Variants in NFIB observed in about 807,000 individuals in gnomAD.
NFIB encodes the protein nuclear factor I B.
NFIB carries 11 observed loss-of-function variants against 61.5 expected under a neutral mutation model. That is an observed-to-expected ratio of 0.18 (90% CI 0.11 to 0.30). The LOEUF (loss-of-function observed/expected upper bound fraction) is 0.30, where lower values mean the gene tolerates loss of function less well. Ranked by LOEUF, NFIB falls within the 10% of genes least tolerant of loss-of-function variation. The pLI is 1.00. For synonymous variants in NFIB, 260 were observed against 216.5 expected (o/e 1.20, Z -1.76); for missense variants, 471 against 608.9 (o/e 0.77, Z 2.38).
chr9:14,248,968 C>T (rs187587008), intron 2 of NFIB, among the ~76,000 whole-genome samples: 1 of 152,292 alleles, frequency 6.6e-6, no homozygotes, highest in East Asian at 1.9e-4. Flanking sequence ...TCAAACTGTA[C>T]CTGCAGATAA....
the NFIB span, among the ~76,000 whole-genome samples, chr9:14,425,500 A>G: frequency 7.2e-5 from 11 of 152,164 alleles, no homozygotes; most frequent in Admixed American, 3.9e-4. Flanking sequence ...ATCTGGGGAA[A>G]AGGGGCACAG....
At chr9:14,134,359 A>C (rs2040755111) in intron 6 of NFIB, among the ~76,000 whole-genome samples, 2 of 152,280 alleles carry the variant, frequency 1.3e-5, no homozygotes, top group South Asian at 4.1e-4. Flanking sequence ...TTCCCGTAGC[A>C]AAATTTCACT....
At chr9:14,216,530 CTCTCTCTCTCTCCCTCTGTGTGTG>C (rs1165004266) in intron 2 of NFIB, among the ~76,000 whole-genome samples, 555 of 54,564 alleles carry the variant, frequency 0.01, 11 homozygotes, top group African/African-American at 0.023. Flanking sequence ...CTCTCTCTCT[CTCTCTCTCTCTCCCTCTGTGTGTG>C]TGTGTGTGTG....
intron 2 of NFIB, among the ~76,000 whole-genome samples, chr9:14,262,277 T>G (rs149774171): frequency 2.4e-3 from 366 of 152,348 alleles, no homozygotes; most frequent in Non-Finnish European, 3.5e-3. Context: ...ACTTTCTTCC[T>G]GCTGGATCCC....
At chr9:14,328,106 G>A (rs1189242055) in intron 1 of NFIB, among the ~76,000 whole-genome samples, 1 of 152,128 alleles carries the variant, frequency 6.6e-6, no homozygotes, top group Non-Finnish European at 1.5e-5. Flanking sequence ...CACTGCCTCT[G>A]CTTTTTTCTC....
intron 2 of NFIB, among the ~76,000 whole-genome samples, chr9:14,224,285 T>G (rs1221699383): frequency 6.6e-6 from 1 of 152,204 alleles, no homozygotes; most frequent in Non-Finnish European, 1.5e-5. Flanking sequence ...CACATGATGT[T>G]CTGTGTAGAA....
chr9:14,288,636 T>A (rs1388875214), intron 2 of NFIB, among the ~76,000 whole-genome samples: 2 of 152,050 alleles, frequency 1.3e-5, no homozygotes, highest in African/African-American at 2.4e-5. Context: ...CACACAGGGT[T>A]CCCTCCCAGA....
At chr9:14,236,343 T>C (rs973326150) in intron 2 of NFIB, among the ~76,000 whole-genome samples, 4 of 152,226 alleles carry the variant, frequency 2.6e-5, no homozygotes, top group Admixed American at 1.3e-4. Context: ...AATTTCATCA[T>C]AGTGGTCAGT....
At chr9:14,237,129 A>G in intron 2 of NFIB, among the ~76,000 whole-genome samples, 1 of 152,230 alleles carries the variant, frequency 6.6e-6, no homozygotes, top group East Asian at 1.9e-4. Flanking sequence ...CTGCATAAAC[A>G]TAAACAATTG....
chr9:14,467,057 G>T, the NFIB span, among the ~76,000 whole-genome samples: 1 of 152,144 alleles, frequency 6.6e-6, no homozygotes, highest in South Asian at 2.1e-4. Flanking sequence ...AGGAGAACCA[G>T]CAAAAGTCAG....
intron 2 of NFIB, among the ~76,000 whole-genome samples, chr9:14,298,394 A>G (rs2059563948): frequency 6.6e-6 from 1 of 152,228 alleles, no homozygotes; most frequent in African/African-American, 2.4e-5. Context: ...TAAAGAAACC[A>G]TAAATATAAA....
At chr9:14,354,707 A>C (rs1286472071) in intron 1 of NFIB, among the ~76,000 whole-genome samples, 5 of 152,010 alleles carry the variant, frequency 3.3e-5, no homozygotes, top group Admixed American at 3.3e-4. Context: ...TGAGGTGAGC[A>C]GTCAGTTATA....
chr9:14,503,955 G>T, the NFIB span, among the ~76,000 whole-genome samples: 7 of 152,156 alleles, frequency 4.6e-5, no homozygotes, highest in African/African-American at 1.4e-4. Context: ...ATGGTTTCAG[G>T]TCTTAGATTT....
intron 10 of NFIB, among the ~76,000 whole-genome samples, chr9:14,112,034 C>T (rs572769138): frequency 2.0e-5 from 3 of 152,264 alleles, no homozygotes; most frequent in East Asian, 3.9e-4. Context: ...AAGTATCTTA[C>T]TACCTACACA....
the NFIB span, among the ~76,000 whole-genome samples, chr9:14,456,844 C>T: frequency 6.6e-6 from 1 of 152,132 alleles, no homozygotes; most frequent in Non-Finnish European, 1.5e-5. Flanking sequence ...GAAATTTATC[C>T]TATTGATGCA....
chr9:14,247,630 GA>G (rs1365789588), intron 2 of NFIB, among the ~76,000 whole-genome samples: 1 of 152,214 alleles, frequency 6.6e-6, no homozygotes, highest in Non-Finnish European at 1.5e-5. Flanking sequence ...GAAAAACCAT[GA>G]AAAAGTTATA....
At position 14,183,338 on chromosome 9, in the gene NFIB, T is replaced by C. The variant is rs1036011338; in HGVS notation, c.563-3558A>G. On this transcript the variant is annotated intron_variant, in intron 2 of 10. Coordinates refer to ENST00000380953, the MANE Select transcript of NFIB (RefSeq NM_001190737.2). ...ATTACCTTCCAGAAGGCTGAAGTCT[T>C]TGAGGAACAAGGCTGCTAAGAGTTG... is the stretch of plus-strand genomic sequence containing the variant. Among the ~76,000 whole-genome samples, 3 of 152,160 alleles carry C rather than the reference T, an allele frequency of 2.0e-5. No homozygotes were observed. The East Asian group carries it at 5.8e-4, about 29-fold the overall frequency.
chr9:14,463,692 T>TCTCA, the NFIB span, among the ~76,000 whole-genome samples: 93,433 of 129,142 alleles, frequency 0.72, 34,188 homozygotes, highest in East Asian at 0.88. Flanking sequence ...TGAGACGGAG[T>TCTCA]CTCTGTCACC....
the NFIB span, among the ~76,000 whole-genome samples, chr9:14,477,963 C>T: frequency 2.0e-5 from 3 of 152,024 alleles, no homozygotes; most frequent in Non-Finnish European, 4.4e-5. Context: ...AACCACCCCA[C>T]CCCCCATTCT....
Sources: allele counts gnomAD v4.1 joint callset (sites outside exome capture counted in the v4.1 genomes callset), GRCh38; gene constraint gnomAD v4.1.1; transcripts MANE v1.5; gene names NCBI Gene and HGNC (gene_info 2026-07-23, HGNC 2026-07-21).